The following SORCS3 variants were observed in gnomAD, a reference collection of about 807,000 sequenced individuals.
The protein encoded by SORCS3 is sortilin related VPS10 domain containing receptor 3, also known as VPS10 domain-containing receptor SorCS3.
SORCS3 carries 57 observed loss-of-function variants against 146.3 expected under a neutral mutation model. The observed-to-expected ratio is 0.39, with a 90% CI of 0.31 to 0.49. SORCS3 has a LOEUF of 0.49. Among genes scored for constraint, SORCS3 ranks in the 20% least tolerant of loss-of-function variants. The pLI is 0.92. For synonymous variants in SORCS3, 653 were observed against 618.5 expected, an observed-to-expected ratio of 1.06 and a Z score of -0.83; for missense variants, 1,341 against 1,575.5, an observed-to-expected ratio of 0.85 and a Z score of 2.52.
intron 1 of SORCS3, among the ~76,000 whole-genome samples, chr10:104,760,905 A>C (rs1046095989): frequency 2.0e-5 from 3 of 151,356 alleles, no homozygotes; most frequent in African/African-American, 7.3e-5. Flanking sequence ...AGGACAGATT[A>C]CGTTTTTTTT....
At chr10:105,181,789 G>A (rs2056444258) in intron 14 of SORCS3, among the ~76,000 whole-genome samples, 1 of 152,172 alleles carries the variant, frequency 6.6e-6, no homozygotes, top group Non-Finnish European at 1.5e-5. Context: ...AGGGCCTATT[G>A]CAGTCTCAGG....
At chr10:104,726,830 C>T (rs907192596) in intron 1 of SORCS3, among the ~76,000 whole-genome samples, 8 of 152,150 alleles carry the variant, frequency 5.3e-5, no homozygotes, top group African/African-American at 1.7e-4. Flanking sequence ...AGCTTCTCCC[C>T]CAGAATAGGA....
intron 16 of SORCS3, among the ~76,000 whole-genome samples, chr10:105,206,555 G>A (rs1464686408): frequency 6.6e-6 from 1 of 152,004 alleles, no homozygotes; most frequent in Non-Finnish European, 1.5e-5. Flanking sequence ...AGGAAGAAAA[G>A]GAAAATAGGC....
chr10:104,966,419 T>C (rs560755382), intron 3 of SORCS3, among the ~76,000 whole-genome samples: 2 of 152,320 alleles, frequency 1.3e-5, no homozygotes, highest in African/African-American at 4.8e-5. Flanking sequence ...GATGTTATTG[T>C]TATTTCTTAT....
In SORCS3 at chr10:104,977,446, C is replaced by G; in HGVS notation, c.907C>G (p.His303Asp). Reference protein sequence around the residue: ...LTFYIQSLLFHPKQEDWVLAY... With the variant: ...LTFYIQSLLFDPKQEDWVLAY... ...CTTCTATATCCAGAGCCTGCTCTTT[C>G]ATCCCAAGCAAGAGGACTGGGTGCT... The change falls in exon 4 of 27, where the codon CAT becomes GAT. Residue 303 changes from histidine (H) to aspartate (D), a missense_variant. Coordinates refer to ENST00000369701, the MANE Select transcript of SORCS3 (RefSeq NM_014978.3). 1 of 1,613,496 alleles carries G rather than the reference C, an allele frequency of 6.2e-7. No homozygotes were observed. Among genetic ancestry groups the G allele is most frequent in the Non-Finnish European group, 8.5e-7 (1 of 1,179,812 alleles).
chr10:105,059,676 A>G (rs564502355), intron 5 of SORCS3, among the ~76,000 whole-genome samples: 1 of 152,272 alleles, frequency 6.6e-6, no homozygotes, highest in Non-Finnish European at 1.5e-5. Flanking sequence ...TGCAGTGAGA[A>G]TTTCCCCAAT....
At chr10:104,896,056 G>A (rs1299511178) in intron 2 of SORCS3, among the ~76,000 whole-genome samples, 1 of 152,142 alleles carries the variant, frequency 6.6e-6, no homozygotes, top group Non-Finnish European at 1.5e-5. Context: ...TTTATGCAGA[G>A]TCCCTTTTTC....
At chr10:104,916,061 T>C (rs1210890728) in intron 3 of SORCS3, 129 bp downstream of exon 3, 7 of 659,708 alleles carry the variant, frequency 1.1e-5, no homozygotes, top group Non-Finnish European at 1.6e-5. Flanking sequence ...TGCTGGGAAC[T>C]TCATAAACGC....
Position 104,641,462 on chromosome 10 carries a change from C to T in SORCS3, c.135C>T (p.Arg45=), listed in dbSNP as rs1449839081. The T allele has an allele frequency of 1.4e-6, 2 of 1,466,624 alleles. No individual in the cohort carries two copies. Among genetic ancestry groups the T allele is most frequent in the Non-Finnish European group, 9.0e-7 (1 of 1,116,674 alleles). 90.9% of individuals were successfully genotyped at this position (1,466,624 alleles called of 1,614,324 possible). ...GGGACGCGACAGGCGGTCCCGGACG[C>T]CCGGCGGCCCCGGCTTCGCGGCCAC... ...ITWDATGGPG[R]PAAPASRPPA... The change falls in exon 1 of 27, where the codon CGC becomes CGT. Residue 45 remains arginine, a synonymous_variant. Transcript: ENST00000369701. The surrounding 1 kb of genome is among the most constrained non-coding windows in gnomAD (Gnocchi z 6.4).
intron 4 of SORCS3, among the ~76,000 whole-genome samples, chr10:104,985,810 CTT>C (rs1050728427): frequency 6.6e-6 from 1 of 152,070 alleles, no homozygotes; most frequent in Non-Finnish European, 1.5e-5. Flanking sequence ...TGGGAGGAAT[CTT>C]TTTTTCTTAG....
At chr10:104,728,531 C>G (rs980094505) in intron 1 of SORCS3, among the ~76,000 whole-genome samples, 19 of 152,100 alleles carry the variant, frequency 1.2e-4, no homozygotes, top group Non-Finnish European at 2.8e-4. Flanking sequence ...CAGGTTAGGA[C>G]AGTGAGAGTA....
chr10:105,013,603 A>G (rs2055147635), intron 4 of SORCS3, among the ~76,000 whole-genome samples: 1 of 152,178 alleles, frequency 6.6e-6, no homozygotes, highest in Non-Finnish European at 1.5e-5. Context: ...TTCAATATCC[A>G]ACAAGAATAG....
intron 16 of SORCS3, among the ~76,000 whole-genome samples, chr10:105,209,203 G>A (rs1292274961): frequency 1.3e-5 from 2 of 152,008 alleles, no homozygotes; most frequent in African/African-American, 2.4e-5. Context: ...GTGCAGTGGT[G>A]CGGTCTTGGT....
chr10:105,226,978 TTTTG>T (rs2056737131), intron 20 of SORCS3, among the ~76,000 whole-genome samples: 1 of 152,058 alleles, frequency 6.6e-6, no homozygotes, highest in Non-Finnish European at 1.5e-5. Flanking sequence ...GGTTTGTTGA[TTTTG>T]TTTATCTTTT....
chr10:104,670,260 C>A (rs972729203), intron 1 of SORCS3, among the ~76,000 whole-genome samples: 1 of 151,958 alleles, frequency 6.6e-6, no homozygotes, highest in East Asian at 1.9e-4. Flanking sequence ...TTGGCTATGC[C>A]TTTGGTGTTG....
At chr10:104,725,863 G>A (rs1228062711) in intron 1 of SORCS3, among the ~76,000 whole-genome samples, 1 of 152,226 alleles carries the variant, frequency 6.6e-6, no homozygotes, top group Non-Finnish European at 1.5e-5. Context: ...GGTTTTCCAG[G>A]TGCTGTCTGT....
rs553351004 is a variant in SORCS3 at position 104,724,335 on chromosome 10, C to T, written c.627+82381C>T. Among the ~76,000 whole-genome samples the T allele has an allele frequency of 7.1e-3, 1,079 of 152,216 alleles. 15 individuals carry two copies. The highest frequency in any genetic ancestry group is 0.025 in the African/African-American group (1,026 of 41,508). ...CTCTTCTGACTTGTAGAGTTTCTGC[C>T]GAGAGATCAGCTGTTAGTCTGATGG... On this transcript the variant is annotated intron_variant, in intron 1 of 26. Transcript: ENST00000369701.
At chr10:104,882,377 TTA>T (rs1371017308) in intron 2 of SORCS3, among the ~76,000 whole-genome samples, 1 of 152,190 alleles carries the variant, frequency 6.6e-6, no homozygotes, top group Non-Finnish European at 1.5e-5. Context: ...TCAGATACTC[TTA>T]GAGCAGAGCT....
intron 20 of SORCS3, among the ~76,000 whole-genome samples, chr10:105,233,471 T>C (rs1461280266): frequency 6.6e-6 from 1 of 152,166 alleles, no homozygotes; most frequent in African/African-American, 2.4e-5. Flanking sequence ...GTTTGTTACA[T>C]AGGTATACAC....
Sources: gnomAD v4.1 joint callset for allele counts (sites outside exome capture counted in the v4.1 genomes callset) on GRCh38, gnomAD v4.1.1 for gene constraint, Gnocchi (gnomAD v3.1) non-coding constraint, MANE v1.5 for transcripts, NCBI Gene and HGNC (gene_info 2026-07-23, HGNC 2026-07-21) for gene names.